The following FANCA variants were observed in gnomAD, a reference collection of about 807,000 sequenced individuals.
The protein encoded by FANCA is FA complementation group A, also known as Fanconi anemia group A protein.
FANCA carries 236 observed loss-of-function variants against 194.3 expected under a neutral mutation model. That is an observed-to-expected ratio of 1.21 (90% CI 1.09 to 1.35). The LOEUF (loss-of-function observed/expected upper bound fraction) is 1.35, where lower values mean the gene tolerates loss of function less well. Ranked by LOEUF, FANCA falls within the 40% of genes most tolerant of loss-of-function variation. FANCA has a pLI of 0.00. For synonymous variants in FANCA, 1,014 were observed against 715.8 expected (o/e 1.42, Z -6.65); for missense variants, 2,628 against 1,813.9 (o/e 1.45, Z -8.15).
rs776576487 is a variant in FANCA at position 89,764,957 on chromosome 16, T to C, written c.2711A>G (p.Gln904Arg). 2.5e-6 allele frequency: 4 copies of C among 1,614,256 alleles called. No individual in the cohort carries two copies. The highest frequency in any genetic ancestry group is 2.2e-5 in the East Asian group (1 of 44,880). Residue 904 changes from glutamine (Q) to arginine (R), a missense_variant, in exon 28 of 43, where the codon CAG becomes CGG. By Grantham distance (43) the Gln-to-Arg change is conservative. Coordinates refer to ENST00000389301, the MANE Select transcript of FANCA (RefSeq NM_000135.4). ...RPLHLPSADW[Q>R]RAALSLWTHR... The stretch of plus-strand genomic sequence containing the variant: ...TGTCCAGAGAGAGAGGGCAGCTCTC[T>C]GCCAGTCTGCAGAAGGAAGGTGCAA...
Position 89,771,759 on chromosome 16 carries a change from G to T in FANCA, c.2070C>A (p.His690Gln), listed in dbSNP as rs1422723344. 2 of 1,613,966 alleles carry T rather than the reference G, an allele frequency of 1.2e-6. No individual in the cohort carries two copies. The highest frequency in any genetic ancestry group is 1.3e-5 in the African/African-American group (1 of 74,898). Residue 690 changes from histidine (H) to glutamine (Q), a missense_variant, in exon 23 of 43, where the codon CAC (histidine) becomes CAA (glutamine). Coordinates refer to ENST00000389301, the MANE Select transcript of FANCA (RefSeq NM_000135.4). ...ISERLRAVLGHNEDDSSVEIS... is the reference protein window; with the variant it reads ...ISERLRAVLGQNEDDSSVEIS... Reference sequence around the variant, plus strand: ...TCTCAACGCTGCTGTCATCCTCATTGTGGCCCAGGACAGCCCTCAGTCTTT... The same window carrying T: ...TCTCAACGCTGCTGTCATCCTCATTTTGGCCCAGGACAGCCCTCAGTCTTT...
In FANCA at chr16:89,738,862, G is replaced by A. The variant is rs1019949093; in HGVS notation, c.4260+20C>T. 1.2e-6 allele frequency: 2 copies of A among 1,614,232 alleles called. No homozygotes were observed. Among genetic ancestry groups the A allele is most frequent in the South Asian group, 2.2e-5 (2 of 91,078 alleles). On this transcript the variant is annotated intron_variant, in intron 42 of 42. Coordinates refer to ENST00000389301, the MANE Select transcript of FANCA (RefSeq NM_000135.4). ...TTCTCATGTCCCCCACATGGCCCAA[G>A]GTGGGCATCTTGACGTTACCTCTGC...
chr16:89,749,941 G>T lies in FANCA; in HGVS notation c.3067-39C>A, dbSNP rs530013857. ...GTATGCTGGCACAGGAAGGCCTCGG[G>T]GCTCACTGCCCAGCCAGTCGGGGAC... On this transcript the variant is annotated intron_variant, in intron 31 of 42. Coordinates refer to ENST00000389301, the MANE Select transcript of FANCA (RefSeq NM_000135.4). 4.3e-6 allele frequency: 7 copies of T among 1,611,128 alleles called. No individual in the cohort carries two copies. In the Admixed American group the frequency reaches 1.2e-4, roughly 27 times the overall value.
intron 4 of FANCA, 35 bp from the exon 5 acceptor site, chr16:89,810,837 T>A: frequency 6.2e-7 from 1 of 1,612,396 alleles, no homozygotes; most frequent in Non-Finnish European, 8.5e-7. Context: ...AAAAAACAAA[T>A]TACCTGAAAC....
At chr16:89,742,773 A>T in intron 37 of FANCA, 27 bp downstream of exon 37, 2 of 1,613,644 alleles carry the variant, frequency 1.2e-6, no homozygotes, top group South Asian at 2.2e-5. Flanking sequence ...CGAGAAAATA[A>T]ATCAGTAAAA....
chr16:89,795,654 A>C (rs1045609825), intron 11 of FANCA, among the ~76,000 whole-genome samples: 7 of 152,204 alleles, frequency 4.6e-5, no homozygotes, highest in African/African-American at 1.4e-4. Context: ...ACAAACAAAA[A>C]AGATATTTCT....
At chr16:89,798,405 G>A (rs1166749751) in intron 10 of FANCA, 12 of 1,062,806 alleles carry the variant, frequency 1.1e-5, no homozygotes, top group African/African-American at 3.3e-5. Context: ...AGTACCGAAC[G>A]GTACAACACA....
At position 89,739,092 on chromosome 16, in the gene FANCA, G is replaced by T. The variant is rs769505201; in HGVS notation, c.4167+41C>A. The T allele has an allele frequency of 1.1e-5, 17 of 1,613,732 alleles. No homozygotes were observed. In the Admixed American group the frequency reaches 2.0e-4, roughly 19 times the overall value. ...CTTTGGCAGAAGGAGCCTCCGGCTG[G>T]GGGGAGCTCCCCTGGAGGTGGGACT... On this transcript the variant is annotated intron_variant, in intron 41 of 42. Coordinates refer to ENST00000389301, the MANE Select transcript of FANCA (RefSeq NM_000135.4).
intron 15 of FANCA, among the ~76,000 whole-genome samples, chr16:89,784,084 G>T (rs1297277172): frequency 1.3e-5 from 2 of 152,024 alleles, no homozygotes; most frequent in Non-Finnish European, 2.9e-5. Context: ...ATGAGGGTCA[G>T]GCTGGGCACA....
At chr16:89,813,831 T>C (rs1468423341) in intron 3 of FANCA, among the ~76,000 whole-genome samples, 1 of 152,006 alleles carries the variant, frequency 6.6e-6, no homozygotes, top group Non-Finnish European at 1.5e-5. Flanking sequence ...TGTGTGTGTG[T>C]GTCCGTGTGC....
chr16:89,792,202 G>GATCTGGC, intron 12 of FANCA, 134 bp from the exon 13 acceptor site: 1 of 1,086,462 alleles, frequency 9.2e-7, no homozygotes. Context: ...ATGGAGCTGT[G>GATCTGGC]ACAGCTCACA....
At chr16:89,805,575 C>G (rs916435246) in intron 6 of FANCA, among the ~76,000 whole-genome samples, 183 bp from the exon 7 acceptor site, 2 of 152,132 alleles carry the variant, frequency 1.3e-5, no homozygotes, top group African/African-American at 4.8e-5. Flanking sequence ...CCTTCCACCT[C>G]AGCCTCCTGA....
At chr16:89,772,384 G>A (rs1042579834) in intron 22 of FANCA, among the ~76,000 whole-genome samples, 1 of 152,252 alleles carries the variant, frequency 6.6e-6, no homozygotes, top group Non-Finnish European at 1.5e-5. Context: ...AGACCGCCAA[G>A]GCGCTGCAGC....
chr16:89,775,494 G>C (rs2039469794), intron 21 of FANCA, among the ~76,000 whole-genome samples: 1 of 152,230 alleles, frequency 6.6e-6, no homozygotes, highest in Admixed American at 6.5e-5. Flanking sequence ...GTGACAAAGT[G>C]GGGCTGTGCA....
intron 5 of FANCA, 52 bp from the exon 6 acceptor site, chr16:89,808,419 TTC>T (rs1164776459): frequency 6.4e-7 from 1 of 1,562,124 alleles, no homozygotes; most frequent in South Asian, 1.1e-5. Context: ...ACCCCCAGCA[TTC>T]TGAGTCCTTT....
chr16:89,816,537 C>A lies in FANCA; in HGVS notation c.79G>T (p.Ala27Ser). The A allele has an allele frequency of 2.0e-6, 3 of 1,495,774 alleles. No individual in the cohort carries two copies. The highest frequency in any genetic ancestry group is 2.7e-6 in the Non-Finnish European group (3 of 1,129,670). The allele number at this position is 1,495,774 out of a possible 1,614,324, so 92.7% of individuals were successfully genotyped here. A position where few individuals can be genotyped will look rare whatever the true frequency, so the allele number is the denominator to read the frequency against. Residue 27 changes from alanine to serine, a missense_variant and splice_region_variant, in exon 1 of 43, where the codon GCG (alanine) becomes TCG (serine). By Grantham distance (99) the Ala-to-Ser change is moderately conservative. Transcript: ENST00000389301. ...GRRRAWAELL[A>S]GRVKREKYNP... ...CCCGCGGCCTGCCGCGCCCACCTAC[C>A]CAGCAGCTCGGCCCAGGCCCTCCGG... is the stretch of plus-strand genomic sequence containing the variant.
intron 30 of FANCA, among the ~76,000 whole-genome samples, chr16:89,755,297 G>A (rs532904775): frequency 1.3e-5 from 2 of 151,182 alleles, no homozygotes; most frequent in African/African-American, 4.9e-5. Flanking sequence ...TGCAACCTCC[G>A]CCTCCCAGGT....
At chr16:89,775,678 C>T in intron 21 of FANCA, 64 bp downstream of exon 21, 1 of 1,342,550 alleles carries the variant, frequency 7.4e-7, no homozygotes, top group African/African-American at 1.4e-5. Flanking sequence ...GCACAACAGA[C>T]ACTCAAGGTT....
intron 35 of FANCA, among the ~76,000 whole-genome samples, 180 bp from the exon 36 acceptor site, chr16:89,745,251 G>C (rs986780648): frequency 1.3e-5 from 2 of 152,266 alleles, no homozygotes; most frequent in African/African-American, 4.8e-5. Context: ...AGTTCCATGA[G>C]GCATTTATTA....
Sources: allele counts gnomAD v4.1 joint callset (sites outside exome capture counted in the v4.1 genomes callset), GRCh38; gene constraint gnomAD v4.1.1; transcripts MANE v1.5; gene names NCBI Gene and HGNC (gene_info 2026-07-23, HGNC 2026-07-21).